Variants in SCHIP1 observed in about 807,000 individuals in gnomAD.
The protein encoded by SCHIP1 is schwannomin interacting protein 1.
SCHIP1 carries 8 observed loss-of-function variants against 29.7 expected under a neutral mutation model. The ratio of observed to expected loss-of-function variants is 0.27; its 90% CI spans 0.16 to 0.49. The LOEUF is 0.49. Among genes scored for constraint, SCHIP1 ranks in the 20% least tolerant of loss-of-function variants. SCHIP1 has a pLI of 0.99. For missense variants in SCHIP1, 193 were observed against 294.6 expected (o/e 0.66, Z 2.52); for synonymous variants, 76 against 94.9 (o/e 0.80, Z 1.16).
At chr3:159,293,444 C>T in the SCHIP1 span, among the ~76,000 whole-genome samples, 5 of 152,160 alleles carry the variant, frequency 3.3e-5, no homozygotes, top group African/African-American at 9.6e-5. Flanking sequence ...GGAGCATCAG[C>T]GTATAGAGGC....
chr3:159,583,412 A>G, the SCHIP1 span, among the ~76,000 whole-genome samples: 1 of 152,202 alleles, frequency 6.6e-6, no homozygotes, highest in Non-Finnish European at 1.5e-5. Flanking sequence ...ATACTGTTAC[A>G]AAAGACAATC....
At chr3:159,791,179 G>C in the SCHIP1 span, among the ~76,000 whole-genome samples, 2 of 152,180 alleles carry the variant, frequency 1.3e-5, no homozygotes, top group African/African-American at 2.4e-5. Flanking sequence ...AGTGCAGGGA[G>C]GTGCAGTCTC....
the SCHIP1 span, among the ~76,000 whole-genome samples, chr3:159,597,702 A>G: frequency 6.6e-6 from 1 of 152,128 alleles, no homozygotes; most frequent in Non-Finnish European, 1.5e-5. Context: ...GGGTGTTTCC[A>G]TATCTTTGCT....
the SCHIP1 span, among the ~76,000 whole-genome samples, chr3:159,346,250 G>A: frequency 8.7e-4 from 122 of 139,820 alleles, no homozygotes; most frequent in Middle Eastern, 3.9e-3. Context: ...AAACAATGAG[G>A]AATAAGCACC....
the SCHIP1 span, chr3:159,274,228 C>T: frequency 1.3e-5 from 13 of 984,998 alleles, no homozygotes; most frequent in African/African-American, 1.7e-5. Flanking sequence ...AATCTGTTGC[C>T]CTTTGTATGC....
chr3:159,878,976 T>C (rs910193354), intron 2 of SCHIP1, among the ~76,000 whole-genome samples: 1 of 151,226 alleles, frequency 6.6e-6, no homozygotes, highest in African/African-American at 2.4e-5. Flanking sequence ...TATATCTCCA[T>C]ATTTTTGTTT....
chr3:159,554,282 T>G, the SCHIP1 span, among the ~76,000 whole-genome samples: 3 of 152,146 alleles, frequency 2.0e-5, no homozygotes, highest in African/African-American at 7.2e-5. Flanking sequence ...AGCCATGAAA[T>G]TTCATGTACT....
the SCHIP1 span, among the ~76,000 whole-genome samples, chr3:159,680,706 T>TATATATAATATAC: frequency 8.0e-5 from 1 of 12,428 alleles, no homozygotes; most frequent in African/African-American, 2.6e-4. Context: ...TAATATATAT[T>TATATATAATATAC]ATATATAATA....
At chr3:159,278,823 GT>G in the SCHIP1 span, among the ~76,000 whole-genome samples, 2 of 152,150 alleles carry the variant, frequency 1.3e-5, no homozygotes, top group African/African-American at 2.4e-5. Context: ...ACAAACAGCA[GT>G]TTTTTTCCTG....
the SCHIP1 span, among the ~76,000 whole-genome samples, chr3:159,716,758 G>A: frequency 1.3e-5 from 2 of 152,078 alleles, no homozygotes; most frequent in Non-Finnish European, 2.9e-5. Flanking sequence ...AGAGACCTAC[G>A]AAGAGACTTA....
At chr3:159,660,955 A>G in the SCHIP1 span, among the ~76,000 whole-genome samples, 1 of 152,192 alleles carries the variant, frequency 6.6e-6, no homozygotes, top group African/African-American at 2.4e-5. Context: ...CCATCTGTTT[A>G]TATACTGAGT....
chr3:159,733,296 T>C, the SCHIP1 span, among the ~76,000 whole-genome samples: 1 of 152,198 alleles, frequency 6.6e-6, no homozygotes, highest in Non-Finnish European at 1.5e-5. Flanking sequence ...TTTTAATAGC[T>C]AAAGATTTCC....
intron 2 of SCHIP1, among the ~76,000 whole-genome samples, chr3:159,871,723 G>A (rs540664644): frequency 1.4e-5 from 2 of 140,202 alleles, no homozygotes; most frequent in African/African-American, 5.0e-5. Context: ...ACTCTAGCAG[G>A]GGAAAGATAG....
the SCHIP1 span, among the ~76,000 whole-genome samples, chr3:159,789,348 G>C: frequency 6.6e-6 from 1 of 152,318 alleles, no homozygotes; most frequent in Non-Finnish European, 1.5e-5. Flanking sequence ...TTTATGGAGA[G>C]TAATCTGTTT....
At chr3:159,590,784 A>C in the SCHIP1 span, among the ~76,000 whole-genome samples, 1 of 152,286 alleles carries the variant, frequency 6.6e-6, no homozygotes, top group Middle Eastern at 3.4e-3. Flanking sequence ...ACTTGTAAAC[A>C]TAGAGATTTA....
chr3:159,757,372 C>T, the SCHIP1 span, among the ~76,000 whole-genome samples: 2 of 152,184 alleles, frequency 1.3e-5, no homozygotes, highest in Admixed American at 1.3e-4. Context: ...GAGACCTATT[C>T]ACTATCACCA....
the SCHIP1 span, among the ~76,000 whole-genome samples, chr3:159,495,083 G>A: frequency 1.3e-5 from 2 of 152,040 alleles, no homozygotes; most frequent in Non-Finnish European, 2.9e-5. Flanking sequence ...CTCTCAATAA[G>A]TTAGGCATTG....
the SCHIP1 span, among the ~76,000 whole-genome samples, chr3:159,728,177 T>C: frequency 6.6e-6 from 1 of 152,112 alleles, no homozygotes; most frequent in Non-Finnish European, 1.5e-5. Context: ...GGTGGGTAGA[T>C]TAGTACCTCT....
chr3:159,610,841 A>C, the SCHIP1 span, among the ~76,000 whole-genome samples: 1 of 152,120 alleles, frequency 6.6e-6, no homozygotes, highest in Non-Finnish European at 1.5e-5. Flanking sequence ...GAGCTCAATG[A>C]AACATCCAGA....
Sources: gnomAD v4.1 joint callset for allele counts (sites outside exome capture counted in the v4.1 genomes callset) on GRCh38, gnomAD v4.1.1 for gene constraint, MANE v1.5 for transcripts, NCBI Gene and HGNC (gene_info 2026-07-23, HGNC 2026-07-21) for gene names.